Variants in PDE4A observed in about 807,000 individuals in gnomAD.
PDE4A encodes the protein phosphodiesterase 4A.
Under a neutral mutation model 73.9 loss-of-function variants are expected in PDE4A, and 21 were observed. That is an observed-to-expected ratio of 0.28 (90% CI 0.20 to 0.41). The LOEUF (loss-of-function observed/expected upper bound fraction) is 0.41, where lower values mean the gene tolerates loss of function less well. Among genes scored for constraint, PDE4A ranks in the 10% least tolerant of loss-of-function variants. PDE4A has a pLI of 1.00. For synonymous variants in PDE4A, 463 were observed against 505.4 expected, an observed-to-expected ratio of 0.92 and a Z score of 1.13; for missense variants, 958 against 1,211.4, an observed-to-expected ratio of 0.79 and a Z score of 3.10.
chr19:10,425,984 C>CAAAA (rs1168197109), intron 1 of PDE4A, among the ~76,000 whole-genome samples: 1,139 of 48,336 alleles, frequency 0.024, 90 homozygotes, highest in Middle Eastern at 0.053. Context: ...GAGACCCTGT[C>CAAAA]AAAAAAAAAA....
chr19:10,448,555 G>A (rs1047060772), intron 2 of PDE4A, among the ~76,000 whole-genome samples: 3 of 151,094 alleles, frequency 2.0e-5, no homozygotes, highest in Non-Finnish European at 2.9e-5. Flanking sequence ...AGAATCGCTT[G>A]AACCTGGGAG....
chr19:10,462,248 G>A (rs757546014), intron 13 of PDE4A, among the ~76,000 whole-genome samples: 52 of 148,836 alleles, frequency 3.5e-4, no homozygotes, highest in Non-Finnish European at 6.8e-4. Flanking sequence ...CCCGCCTCCC[G>A]GGTTCAAGCG....
chr19:10,427,585 A>C (rs1045213232), intron 1 of PDE4A: 1 of 985,456 alleles, frequency 1.0e-6, no homozygotes, highest in African/African-American at 1.7e-5. Context: ...TTGGGCTGGA[A>C]GGAAACTCAT....
intron 1 of PDE4A, 92 bp downstream of exon 1, chr19:10,421,176 G>C: frequency 7.5e-7 from 1 of 1,335,326 alleles, no homozygotes; most frequent in East Asian, 3.1e-5. Context: ...GCTAGGATGC[G>C]GGTGGGGTCG....
intron 1 of PDE4A, among the ~76,000 whole-genome samples, chr19:10,428,298 C>T (rs1156317094): frequency 1.3e-5 from 2 of 151,354 alleles, no homozygotes; most frequent in Non-Finnish European, 2.9e-5. Flanking sequence ...GTTGAGACTG[C>T]AGTGAGCTAT....
Position 10,446,211 on chromosome 19 carries a change from C to T in PDE4A, c.321-7C>T. Reference sequence around the variant, plus strand: ...TCCTGACCCCTCTTCTCGCCCATCCCCTGCAGCTTCGAGGCAGAGAATGGG... The same window carrying T: ...TCCTGACCCCTCTTCTCGCCCATCCTCTGCAGCTTCGAGGCAGAGAATGGG... On this transcript the variant is annotated splice_region_variant and splice_polypyrimidine_tract_variant and intron_variant, in intron 1 of 14. Transcript: ENST00000380702. 6.4e-7 allele frequency: 1 copy of T among 1,558,838 alleles called. No homozygotes were observed. Among genetic ancestry groups the T allele is most frequent in the Non-Finnish European group, 8.7e-7 (1 of 1,151,256 alleles).
intron 6 of PDE4A, among the ~76,000 whole-genome samples, chr19:10,451,249 C>G (rs181583416): frequency 5.3e-5 from 8 of 150,794 alleles, no homozygotes; most frequent in South Asian, 2.1e-4. Flanking sequence ...GGTATGGGGT[C>G]AGTCCCTGGG....
intron 1 of PDE4A, among the ~76,000 whole-genome samples, chr19:10,438,588 CTGAGCATAA>C (rs1392146881): frequency 6.6e-6 from 1 of 152,026 alleles, no homozygotes; most frequent in Admixed American, 6.6e-5. Flanking sequence ...GCTTATTTTA[CTGAGCATAA>C]TGTTTTTTTG....
intron 6 of PDE4A, 80 bp from the exon 7 acceptor site, chr19:10,454,749 G>A: frequency 6.2e-7 from 1 of 1,602,454 alleles, no homozygotes. Flanking sequence ...GGGTCTTCAG[G>A]CGTTCTTGGG....
At chr19:10,417,647 T>C (rs546401225), upstream of PDE4A, 16 of 1,585,016 alleles carry the variant, frequency 1.0e-5, no homozygotes, top group African/African-American at 1.3e-5. Flanking sequence ...TATTCCACTT[T>C]GTCCCTCCCC....
intron 1 of PDE4A, among the ~76,000 whole-genome samples, chr19:10,428,396 T>C (rs923330946): frequency 4.0e-5 from 5 of 124,816 alleles, no homozygotes; most frequent in Non-Finnish European, 7.1e-5. Context: ...GAGAGAGATA[T>C]TGAGAGAGAG....
upstream of PDE4A, chr19:10,417,600 G>A: frequency 6.6e-7 from 1 of 1,516,652 alleles, no homozygotes; most frequent in South Asian, 1.2e-5. Context: ...TGTTCTTGGG[G>A]AGAGGGGCTC....
At chr19:10,465,454 AGGTGATCCGCCCACCTC>A (rs2043350433) in intron 14 of PDE4A, among the ~76,000 whole-genome samples, 1 of 151,742 alleles carries the variant, frequency 6.6e-6, no homozygotes, top group South Asian at 2.1e-4. Flanking sequence ...TCCCGACCTC[AGGTGATCCGCCCACCTC>A]GGCCTCCCAA....
At position 10,439,021 on chromosome 19, in the gene PDE4A, T is replaced by TTC. The variant is rs556857756; in HGVS notation, c.321-7195_321-7194dup. Among the ~76,000 whole-genome samples, 68 of 152,332 alleles carry TTC rather than the reference T, an allele frequency of 4.5e-4. No individual in the cohort carries two copies. In the South Asian group the frequency reaches 0.013, roughly 30 times the overall value. The stretch of plus-strand genomic sequence containing the variant: ...ATCTGTTGATGGACACGTCAGTCAC[T>TTC]TCTACCTTTTGGCCATCGTGAATTA... On this transcript the variant is annotated intron_variant, in intron 1 of 14. Transcript: ENST00000380702.
rs1452531983 is a variant in PDE4A, at chr19:10,424,010, G to A, written c.320+2926G>A. ...TACCAGGGCACATACAGGATTCAGT[G>A]CTCCCCACACTGGAGTTCATCCAGC... On this transcript the variant is annotated intron_variant, in intron 1 of 14. Coordinates refer to ENST00000380702, the MANE Select transcript of PDE4A (RefSeq NM_001111307.2). The surrounding 1 kb of genome is among the most constrained non-coding windows in gnomAD (Gnocchi z 4.8). Among the ~76,000 whole-genome samples, 6 of 152,208 alleles carry A rather than the reference G, an allele frequency of 3.9e-5. No individual in the cohort carries two copies. The highest frequency in any genetic ancestry group is 3.9e-4 in the Admixed American group (6 of 15,284).
At chr19:10,434,467 C>T (rs950216516) in intron 1 of PDE4A, among the ~76,000 whole-genome samples, 1 of 152,118 alleles carries the variant, frequency 6.6e-6, no homozygotes, top group Non-Finnish European at 1.5e-5. Flanking sequence ...CTTGGCCTCC[C>T]AAAGTGCTGG....
At chr19:10,448,740 C>G in intron 2 of PDE4A, 177 bp from the exon 3 acceptor site, 2 of 869,946 alleles carry the variant, frequency 2.3e-6, no homozygotes, top group Non-Finnish European at 2.8e-6. Context: ...ACTGCCATTT[C>G]TTCCACGATC....
At chr19:10,456,964 G>A (rs1027512928) in intron 7 of PDE4A, among the ~76,000 whole-genome samples, 6 of 152,174 alleles carry the variant, frequency 3.9e-5, no homozygotes, top group Admixed American at 1.3e-4. Context: ...TTGGGAGGCC[G>A]AGGCAGGCGG....
At chr19:10,437,469 G>A (rs1304704640) in intron 1 of PDE4A, among the ~76,000 whole-genome samples, 2 of 151,772 alleles carry the variant, frequency 1.3e-5, no homozygotes, top group Non-Finnish European at 2.9e-5. Flanking sequence ...ACCCAGTCTG[G>A]AGTGCAGTGG....
Sources: gnomAD v4.1 joint callset for allele counts (sites outside exome capture counted in the v4.1 genomes callset) on GRCh38, gnomAD v4.1.1 for gene constraint, Gnocchi (gnomAD v3.1) non-coding constraint, MANE v1.5 for transcripts, NCBI Gene and HGNC (gene_info 2026-07-23, HGNC 2026-07-21) for gene names.